The following IFT140 variants were observed in gnomAD, a reference collection of about 807,000 sequenced individuals.
IFT140 encodes intraflagellar transport 140.
IFT140 carries 133 observed loss-of-function variants against 164.6 expected under a neutral mutation model. That is an observed-to-expected ratio of 0.81 (90% confidence interval 0.70 to 0.93). The LOEUF is 0.93. Ranked by LOEUF, IFT140 falls within the 40% of genes least tolerant of loss-of-function variation. The pLI is 0.00. For synonymous variants in IFT140, 860 were observed against 817.3 expected, an observed-to-expected ratio of 1.05 and a Z score of -0.89; for missense variants, 2,045 against 1,972.3, an observed-to-expected ratio of 1.04 and a Z score of -0.70.
chr16:1,593,559 C>G (rs373187018), intron 4 of IFT140, among the ~76,000 whole-genome samples: 1 of 152,156 alleles, frequency 6.6e-6, no homozygotes, highest in Non-Finnish European at 1.5e-5. Context: ...GCCGTGTCTC[C>G]TCAGGCTCCT....
Position 1,525,335 on chromosome 16 carries a change from G to A in IFT140, c.2769-9C>T. On this transcript the variant is annotated splice_polypyrimidine_tract_variant and intron_variant, in intron 21 of 30. Coordinates refer to ENST00000426508, the MANE Select transcript of IFT140 (RefSeq NM_014714.4). ...TGTCCGACTTCTCGTAGCTGTGAGA[G>A]AAGGAGACAGAGGTCCTCGTTCCCT... 6.2e-7 allele frequency: 1 copy of A among 1,606,300 alleles called. No homozygotes were observed. The highest frequency in any genetic ancestry group is 8.5e-7 in the Non-Finnish European group (1 of 1,176,110).
chr16:1,585,212 C>T (rs918289275), intron 10 of IFT140, among the ~76,000 whole-genome samples: 4 of 152,204 alleles, frequency 2.6e-5, no homozygotes, highest in African/African-American at 9.7e-5. Flanking sequence ...GTGGTCTGTT[C>T]ACAGCAGAGA....
chr16:1,559,511 C>T (rs752058615), intron 18 of IFT140, among the ~76,000 whole-genome samples: 3 of 152,138 alleles, frequency 2.0e-5, no homozygotes, highest in African/African-American at 2.4e-5. Context: ...ACAAGGGCAG[C>T]GTTAACAGAC....
chr16:1,582,202 T>C (rs1366621443), intron 12 of IFT140, among the ~76,000 whole-genome samples: 3 of 152,172 alleles, frequency 2.0e-5, no homozygotes, highest in African/African-American at 7.2e-5. Context: ...TATTACTTTA[T>C]ATGGCAGAAG....
At chr16:1,512,374 T>C (rs915650824) in intron 30 of IFT140, among the ~76,000 whole-genome samples, 10 of 152,044 alleles carry the variant, frequency 6.6e-5, no homozygotes, top group African/African-American at 2.4e-4. Context: ...AGCTGTGGCC[T>C]GGGTGAGGTG....
chr16:1,561,884 G>T, intron 18 of IFT140, 101 bp downstream of exon 18: 1 of 1,231,610 alleles, frequency 8.1e-7, no homozygotes, highest in South Asian at 2.0e-5. Flanking sequence ...GCAGAGCCAC[G>T]AGGGCTAACT....
intron 13 of IFT140, among the ~76,000 whole-genome samples, chr16:1,572,700 G>A (rs1399736036): frequency 2.0e-5 from 3 of 152,180 alleles, no homozygotes; most frequent in Admixed American, 2.0e-4. Flanking sequence ...CCACAGTTGC[G>A]CTGGAGCAGA....
At chr16:1,608,574 G>C (rs1041462666) in intron 2 of IFT140, among the ~76,000 whole-genome samples, 1 of 148,960 alleles carries the variant, frequency 6.7e-6, no homozygotes, top group Non-Finnish European at 1.5e-5. Context: ...CAGAGGTTGC[G>C]GTAAGCTGAG....
At chr16:1,595,471 C>T (rs926102195) in intron 4 of IFT140, among the ~76,000 whole-genome samples, 3 of 151,172 alleles carry the variant, frequency 2.0e-5, no homozygotes, top group African/African-American at 7.3e-5. Flanking sequence ...CAAAATTAGC[C>T]AGGCATGTTG....
intron 4 of IFT140, among the ~76,000 whole-genome samples, chr16:1,593,770 C>A (rs1164395914): frequency 6.6e-6 from 1 of 152,140 alleles, no homozygotes; most frequent in African/African-American, 2.4e-5. Context: ...TCACTGCCGG[C>A]ATTGACCTCG....
At chr16:1,537,316 T>G (rs1057150697) in intron 19 of IFT140, among the ~76,000 whole-genome samples, 22 of 152,292 alleles carry the variant, frequency 1.4e-4, no homozygotes, top group South Asian at 4.1e-4. Context: ...CGCGTGGATG[T>G]CTCCGGACGG....
rs1480615269 is a variant in IFT140 at position 1,520,411 on chromosome 16, G to A, written c.3661-68C>T. ...CCGGGACAAGCACAAGGGACCCCGA[G>A]CAGGAGCTCTCACAAGAAGAGTGGC... is the stretch of plus-strand genomic sequence containing the variant. On this transcript the variant is annotated intron_variant, in intron 27 of 30. Transcript: ENST00000426508. The A allele has an allele frequency of 5.2e-6, 8 of 1,532,192 alleles. No homozygotes were observed. The Admixed American group carries it at 1.3e-4, about 26-fold the overall frequency. The allele number at this position is 1,532,192 out of a possible 1,614,324, so 94.9% of individuals were successfully genotyped here. A position where few individuals can be genotyped will look rare whatever the true frequency, so the allele number is the denominator to read the frequency against.
intron 19 of IFT140, chr16:1,541,257 G>A (rs746611588): frequency 2.0e-6 from 2 of 985,464 alleles, no homozygotes; most frequent in Non-Finnish European, 2.4e-6. Flanking sequence ...TGTGGCAGAT[G>A]GGGTGACGGG....
chr16:1,569,740 G>C (rs535842764), intron 14 of IFT140, among the ~76,000 whole-genome samples: 92 of 150,136 alleles, frequency 6.1e-4, no homozygotes, highest in African/African-American at 2.2e-3. Context: ...ATAGATGCAA[G>C]TCACCATGCC....
Position 1,602,488 on chromosome 16 carries a change from T to C in IFT140, c.251A>G (p.Glu84Gly), listed in dbSNP as rs755089438. The change falls in exon 4 of 31, where the codon GAA (glutamate) becomes GGA (glycine). Residue 84 changes from glutamate (E) to glycine (G), a missense_variant. Glu to Gly is a moderately conservative substitution (Grantham distance 98, BLOSUM62 -2). Coordinates refer to ENST00000426508, the MANE Select transcript of IFT140 (RefSeq NM_014714.4). ...LVLAVGWETGEVTVFNKQDKE... is the reference protein window; with the variant it reads ...LVLAVGWETGGVTVFNKQDKE... ...GTCCTGCTTGTTAAACACCGTCACT[T>C]CTCCAGTCTCCCAGCCCACAGCCAG... The C allele has an allele frequency of 1.5e-5, 24 of 1,613,828 alleles. No homozygotes were observed. In the South Asian group the frequency reaches 2.6e-4, roughly 18 times the overall value.
At chr16:1,558,882 A>G (rs1297937838) in intron 18 of IFT140, among the ~76,000 whole-genome samples, 1 of 152,230 alleles carries the variant, frequency 6.6e-6, no homozygotes, top group Non-Finnish European at 1.5e-5. Flanking sequence ...GGGTGACTCC[A>G]GCCACCTGCC....
intron 20 of IFT140, 45 bp from the exon 21 acceptor site, chr16:1,526,122 C>G: frequency 6.6e-7 from 1 of 1,516,100 alleles, no homozygotes. Flanking sequence ...TCCACACACC[C>G]ACGTCTCAAA....
chr16:1,590,131 G>A (rs1332312842), intron 6 of IFT140, among the ~76,000 whole-genome samples: 3 of 150,642 alleles, frequency 2.0e-5, no homozygotes, highest in Non-Finnish European at 4.4e-5. Context: ...AACCCCGGAG[G>A]TGGAGGTTGC....
At chr16:1,545,089 T>A (rs1022172377) in intron 19 of IFT140, among the ~76,000 whole-genome samples, 4 of 152,252 alleles carry the variant, frequency 2.6e-5, no homozygotes, top group Non-Finnish European at 5.9e-5. Context: ...CTAAATGTAT[T>A]TTAAAAAATC....
Sources: allele counts gnomAD v4.1 joint callset (sites outside exome capture counted in the v4.1 genomes callset), GRCh38; gene constraint gnomAD v4.1.1; transcripts MANE v1.5; gene names NCBI Gene and HGNC (gene_info 2026-07-23, HGNC 2026-07-21).